CNTN5: variants seen among roughly 807,000 people sequenced by gnomAD.
CNTN5 encodes the protein contactin-5.
CNTN5 carries 77 observed loss-of-function variants against 129.1 expected under a neutral mutation model. The observed-to-expected ratio is 0.60, with a 90% CI of 0.50 to 0.72. The LOEUF (loss-of-function observed/expected upper bound fraction) is 0.72, where lower values mean the gene tolerates loss of function less well. CNTN5 is among the 30% of genes least tolerant of loss of function. CNTN5 has a pLI of 0.00. For synonymous variants in CNTN5, 509 were observed against 465.6 expected, an observed-to-expected ratio of 1.09 and a Z score of -1.20; for missense variants, 1,478 against 1,328.8, an observed-to-expected ratio of 1.11 and a Z score of -1.75.
At chr11:100,120,218 T>G (rs1297711933) in intron 13 of CNTN5, among the ~76,000 whole-genome samples, 1 of 151,994 alleles carries the variant, frequency 6.6e-6, no homozygotes, top group Non-Finnish European at 1.5e-5. Flanking sequence ...ATCCAGTTAC[T>G]TACTTGGAAT....
intron 8 of CNTN5, among the ~76,000 whole-genome samples, chr11:99,983,728 TTTA>T (rs1336019023): frequency 6.6e-6 from 1 of 152,156 alleles, no homozygotes; most frequent in Non-Finnish European, 1.5e-5. Flanking sequence ...GAAAAGCAGT[TTTA>T]TTATGATGAG....
At chr11:99,143,129 T>C (rs916694932) in intron 1 of CNTN5, among the ~76,000 whole-genome samples, 8 of 152,038 alleles carry the variant, frequency 5.3e-5, no homozygotes, top group African/African-American at 1.9e-4. Flanking sequence ...GCTATTTCTG[T>C]AATCATATCT....
Position 99,960,502 on chromosome 11 carries a change from T to C in CNTN5, c.877+3493T>C, listed in dbSNP as rs77878401. Among the ~76,000 whole-genome samples the C allele has an allele frequency of 4.5e-3, 682 of 152,332 alleles. 6 individuals are homozygous for C. Among genetic ancestry groups the C allele is most frequent in the Non-Finnish European group, 6.8e-3 (462 of 68,030 alleles). Reference sequence around the variant, plus strand: ...AATATATAATTATGACTTAATATGATATTTTTCCAGGTTTTTAAGCCACTT... The same window carrying C: ...AATATATAATTATGACTTAATATGACATTTTTCCAGGTTTTTAAGCCACTT... On this transcript the variant is annotated intron_variant, in intron 8 of 24. Coordinates refer to ENST00000524871, the MANE Select transcript of CNTN5 (RefSeq NM_014361.4).
At chr11:99,062,432 G>C (rs1268391930) in intron 1 of CNTN5, among the ~76,000 whole-genome samples, 1 of 152,076 alleles carries the variant, frequency 6.6e-6, no homozygotes, top group Non-Finnish European at 1.5e-5. Flanking sequence ...TTCTGACAGA[G>C]AACTTAAGCA....
intron 1 of CNTN5, among the ~76,000 whole-genome samples, chr11:99,088,784 T>A (rs1866108765): frequency 1.3e-5 from 2 of 152,182 alleles, no homozygotes; most frequent in Middle Eastern, 3.2e-3. Context: ...ATTAATAGGA[T>A]GGAGACCTTG....
chr11:99,985,109 T>C (rs2137380743), intron 8 of CNTN5, among the ~76,000 whole-genome samples: 1 of 152,270 alleles, frequency 6.6e-6, no homozygotes, highest in Non-Finnish European at 1.5e-5. Context: ...ATCAGCTTAC[T>C]TAGCCCCTTG....
intron 2 of CNTN5, among the ~76,000 whole-genome samples, chr11:99,498,664 C>A (rs1231125649): frequency 6.6e-6 from 1 of 152,092 alleles, no homozygotes; most frequent in Non-Finnish European, 1.5e-5. Context: ...TGGAAGCCAA[C>A]CATTATATCT....
At chr11:100,345,497 G>C (rs1952260007) in intron 23 of CNTN5, among the ~76,000 whole-genome samples, 1 of 151,520 alleles carries the variant, frequency 6.6e-6, no homozygotes, top group South Asian at 2.1e-4. Flanking sequence ...CTCGATTTCA[G>C]ACATTGAGGT....
chr11:99,229,896 T>C (rs2135725342), intron 1 of CNTN5, among the ~76,000 whole-genome samples: 1 of 152,154 alleles, frequency 6.6e-6, no homozygotes, highest in East Asian at 1.9e-4. Flanking sequence ...CTGTCTAGTA[T>C]GCATATAAAT....
At chr11:99,225,040 G>A (rs1860607287) in intron 1 of CNTN5, among the ~76,000 whole-genome samples, 1 of 151,986 alleles carries the variant, frequency 6.6e-6, no homozygotes, top group South Asian at 2.1e-4. Context: ...ATTGAGAGAA[G>A]GACTAGAGTT....
At chr11:99,300,288 G>A (rs531381979) in intron 1 of CNTN5, among the ~76,000 whole-genome samples, 38 of 151,994 alleles carry the variant, frequency 2.5e-4, no homozygotes, top group South Asian at 8.3e-4. Flanking sequence ...TTTGAAATAC[G>A]TTTCTTCTCA....
chr11:100,240,493 CTATATA>C (rs749564364), intron 16 of CNTN5, among the ~76,000 whole-genome samples: 2 of 152,180 alleles, frequency 1.3e-5, no homozygotes, highest in East Asian at 3.9e-4. Context: ...TCTTTCTCCA[CTATATA>C]TCAGTCATTG....
intron 1 of CNTN5, among the ~76,000 whole-genome samples, chr11:99,048,399 G>GA (rs970859385): frequency 2.5e-4 from 38 of 152,122 alleles, no homozygotes; most frequent in African/African-American, 7.7e-4. Context: ...AACCTTAAGG[G>GA]AAAAAATCAA....
At chr11:100,223,624 C>T (rs1457259485) in intron 15 of CNTN5, among the ~76,000 whole-genome samples, 1 of 152,060 alleles carries the variant, frequency 6.6e-6, no homozygotes, top group African/African-American at 2.4e-5. Context: ...TCTGGGATGC[C>T]TCTCTATGAC....
chr11:99,664,464 A>G (rs1246987683), intron 3 of CNTN5, among the ~76,000 whole-genome samples: 1 of 152,144 alleles, frequency 6.6e-6, no homozygotes, highest in Non-Finnish European at 1.5e-5. Context: ...GGTGCAAGGA[A>G]AACCTGGACC....
intron 2 of CNTN5, among the ~76,000 whole-genome samples, chr11:99,355,834 T>G (rs1449379718): frequency 6.6e-6 from 1 of 150,744 alleles, no homozygotes; most frequent in Non-Finnish European, 1.5e-5. Flanking sequence ...TTTTTTTTTT[T>G]TGTTTTTTTT....
chr11:100,037,440 G>T (rs1307892642), intron 9 of CNTN5, among the ~76,000 whole-genome samples: 1 of 151,764 alleles, frequency 6.6e-6, no homozygotes. Flanking sequence ...TTTTTTGGTT[G>T]TGTCTCTGCC....
chr11:99,723,990 C>T (rs1378245688), intron 3 of CNTN5, among the ~76,000 whole-genome samples: 1 of 152,102 alleles, frequency 6.6e-6, no homozygotes, highest in Admixed American at 6.6e-5. Context: ...ACTATTCATT[C>T]TACTAGTCTG....
chr11:99,560,198 T>A (rs190943127), intron 3 of CNTN5, among the ~76,000 whole-genome samples: 3 of 151,878 alleles, frequency 2.0e-5, no homozygotes, highest in Admixed American at 6.6e-5. Context: ...TGTTTGCATA[T>A]TTAAAAAATA....
Sources: allele counts gnomAD v4.1 joint callset (sites outside exome capture counted in the v4.1 genomes callset), GRCh38; gene constraint gnomAD v4.1.1; transcripts MANE v1.5; gene names NCBI Gene and HGNC (gene_info 2026-07-23, HGNC 2026-07-21).